EYA2: variants seen among roughly 807,000 people sequenced by gnomAD.
EYA2 encodes protein phosphatase EYA2.
In EYA2, 31 loss-of-function variants were observed where a neutral mutation model predicts 69.2. The observed-to-expected ratio is 0.45, with a 90% CI of 0.34 to 0.60. The LOEUF (loss-of-function observed/expected upper bound fraction) is 0.60. Ranked by LOEUF, EYA2 falls within the 20% of genes least tolerant of loss-of-function variation. The pLI is 0.02. For synonymous variants in EYA2, 257 were observed against 279.4 expected (o/e 0.92, Z 0.80); for missense variants, 622 against 701.2 (o/e 0.89, Z 1.28).
chr20:46,971,182 C>CA (rs1980123841), intron 1 of EYA2, among the ~76,000 whole-genome samples: 1 of 152,078 alleles, frequency 6.6e-6, no homozygotes, highest in Non-Finnish European at 1.5e-5. Flanking sequence ...AAAATACAGA[C>CA]AGATGTAGAT....
intron 9 of EYA2, among the ~76,000 whole-genome samples, chr20:47,137,802 T>C (rs1600735577): frequency 1.3e-5 from 2 of 152,328 alleles, no homozygotes; most frequent in South Asian, 2.1e-4. Flanking sequence ...GGATAAACTA[T>C]GCAGCCATAA....
chr20:47,025,965 C>A (rs1029615919), intron 5 of EYA2, among the ~76,000 whole-genome samples: 1 of 152,232 alleles, frequency 6.6e-6, no homozygotes, highest in East Asian at 1.9e-4. Flanking sequence ...TTTGTATTTC[C>A]TTTCCTGTGA....
At chr20:47,141,196 TG>T (rs1483799112) in intron 9 of EYA2, among the ~76,000 whole-genome samples, 2 of 152,250 alleles carry the variant, frequency 1.3e-5, no homozygotes, top group African/African-American at 4.8e-5. Flanking sequence ...ACTTATAAAG[TG>T]GCACAGAGAA....
chr20:47,135,123 TATCAAAAAAAAAA>T (rs2033430423), intron 9 of EYA2, among the ~76,000 whole-genome samples: 1 of 77,972 alleles, frequency 1.3e-5, no homozygotes, highest in Non-Finnish European at 2.4e-5. Context: ...CGAGACTCCA[TATCAAAAAAAAAA>T]AAAAAAAAAA....
chr20:47,045,295 C>G (rs2029973666), intron 5 of EYA2, among the ~76,000 whole-genome samples: 1 of 152,156 alleles, frequency 6.6e-6, no homozygotes, highest in Non-Finnish European at 1.5e-5. Flanking sequence ...TCTCTTCCTC[C>G]AGATATCCAA....
intron 5 of EYA2, among the ~76,000 whole-genome samples, chr20:47,067,494 AC>A (rs2031157405): frequency 6.9e-6 from 1 of 145,070 alleles, no homozygotes; most frequent in Non-Finnish European, 1.5e-5. Flanking sequence ...GGTGATGGAT[AC>A]CCCATTTACC....
chr20:47,156,995 A>G (rs934427754), intron 10 of EYA2, among the ~76,000 whole-genome samples: 5 of 151,988 alleles, frequency 3.3e-5, no homozygotes, highest in Admixed American at 3.3e-4. Context: ...TCACCAGCTC[A>G]ATCAGAACAG....
intron 1 of EYA2, among the ~76,000 whole-genome samples, chr20:46,949,070 T>C (rs1020122525): frequency 6.6e-6 from 1 of 152,196 alleles, no homozygotes; most frequent in Non-Finnish European, 1.5e-5. Flanking sequence ...AGCTCAAGAC[T>C]GGTAGAGATG....
intron 5 of EYA2, among the ~76,000 whole-genome samples, chr20:47,028,422 C>T (rs1347209991): frequency 6.6e-6 from 1 of 152,224 alleles, no homozygotes; most frequent in Admixed American, 6.5e-5. Flanking sequence ...TCACCTTCTT[C>T]TCTTCTTGCC....
chr20:47,117,516 G>A, intron 9 of EYA2: 1 of 985,414 alleles, frequency 1.0e-6, no homozygotes, highest in Non-Finnish European at 1.2e-6. Context: ...CTCCGCGGGT[G>A]TTATTACGTG....
intron 10 of EYA2, among the ~76,000 whole-genome samples, chr20:47,154,701 T>C (rs1445563746): frequency 6.6e-6 from 1 of 151,910 alleles, no homozygotes; most frequent in Non-Finnish European, 1.5e-5. Context: ...CTGAGAAGTG[T>C]GGTGGCGGAA....
At chr20:46,941,413 C>G (rs1293735260) in intron 1 of EYA2, among the ~76,000 whole-genome samples, 3 of 152,210 alleles carry the variant, frequency 2.0e-5, no homozygotes, top group Non-Finnish European at 4.4e-5. Context: ...CTTTCATAGC[C>G]TCCTTCATCT....
chr20:47,188,199 C>G lies in EYA2; in HGVS notation c.*66C>G. On this transcript the variant is annotated 3_prime_UTR_variant, in exon 16 of 16. Coordinates refer to ENST00000327619, the MANE Select transcript of EYA2 (RefSeq NM_005244.5). ...CCCCCTCGCCTTCCCCACCTCCCCA[C>G]CGAGAACTCCAGAGACCCAGATGTT... 1 of 1,461,990 alleles carries G rather than the reference C, an allele frequency of 6.8e-7. No individual in the cohort carries two copies. Among genetic ancestry groups the G allele is most frequent in the Non-Finnish European group, 9.3e-7 (1 of 1,077,848 alleles). The allele number at this position is 1,461,990 out of a possible 1,614,324, so 90.6% of individuals were successfully genotyped here. A position where few individuals can be genotyped will look rare whatever the true frequency, so the allele number is the denominator to read the frequency against.
At chr20:47,092,215 C>A (rs1262629313) in intron 8 of EYA2, among the ~76,000 whole-genome samples, 2 of 149,506 alleles carry the variant, frequency 1.3e-5, no homozygotes, top group Admixed American at 1.3e-4. Context: ...ATGCTTGGTG[C>A]CCTACACTTG....
intron 5 of EYA2, among the ~76,000 whole-genome samples, chr20:47,035,460 G>A (rs1226195410): frequency 6.6e-6 from 1 of 152,062 alleles, no homozygotes; most frequent in East Asian, 1.9e-4. Flanking sequence ...TGACTTTATT[G>A]TTTTAAAACC....
intron 7 of EYA2, among the ~76,000 whole-genome samples, chr20:47,075,158 C>T (rs1220294913): frequency 1.3e-5 from 2 of 152,308 alleles, no homozygotes; most frequent in East Asian, 1.9e-4. Flanking sequence ...TCGTGCTGAG[C>T]ACATACCTGT....
At chr20:46,996,278 A>T (rs1982016536) in intron 2 of EYA2, among the ~76,000 whole-genome samples, 1 of 152,076 alleles carries the variant, frequency 6.6e-6, no homozygotes, top group Non-Finnish European at 1.5e-5. Flanking sequence ...GCACATTTAT[A>T]TTGTCTTTGT....
intron 5 of EYA2, among the ~76,000 whole-genome samples, chr20:47,066,277 A>C (rs1305340441): frequency 6.6e-6 from 1 of 151,960 alleles, no homozygotes; most frequent in Non-Finnish European, 1.5e-5. Context: ...GACTGCAGTG[A>C]GCTGTGATCA....
chr20:46,932,746 C>T (rs989703503), intron 1 of EYA2, among the ~76,000 whole-genome samples: 1 of 152,032 alleles, frequency 6.6e-6, no homozygotes, highest in Non-Finnish European at 1.5e-5. Flanking sequence ...ATCAGCCAGG[C>T]GTGGTGGCGG....
Sources: allele counts gnomAD v4.1 joint callset (sites outside exome capture counted in the v4.1 genomes callset), GRCh38; gene constraint gnomAD v4.1.1; transcripts MANE v1.5; gene names NCBI Gene and HGNC (gene_info 2026-07-23, HGNC 2026-07-21).